ELF1: variants seen among roughly 807,000 people sequenced by gnomAD.
The protein encoded by ELF1 is E74 like ETS transcription factor 1.
ELF1 carries 24 observed loss-of-function variants against 59.9 expected under a neutral mutation model. That is an observed-to-expected ratio of 0.40 (90% CI 0.29 to 0.56). The LOEUF (loss-of-function observed/expected upper bound fraction) is 0.56, where lower values mean the gene tolerates loss of function less well. ELF1 is among the 20% of genes least tolerant of loss of function. The probability of loss-of-function intolerance (pLI) is 0.44; values close to 1 mark genes in which losing one functional copy is unlikely to be tolerated. For missense variants in ELF1, 627 were observed against 742.2 expected, an observed-to-expected ratio of 0.84 and a Z score of 1.80; for synonymous variants, 248 against 266.2, an observed-to-expected ratio of 0.93 and a Z score of 0.67.
chr13:40,942,741 T>TA (rs1007706157), intron 7 of ELF1, among the ~76,000 whole-genome samples: 8 of 152,082 alleles, frequency 5.3e-5, no homozygotes, highest in Non-Finnish European at 8.8e-5. Context: ...AGGCTGGTCT[T>TA]AAACTCCTGG....
Position 41,060,906 on chromosome 13 carries a change from G to A in ELF1, c.-297C>T, listed in dbSNP as rs763365392. 3.3e-3 allele frequency: 936 copies of A among 286,900 alleles called. 11 individuals carry two copies. Among genetic ancestry groups the A allele is most frequent in the Middle Eastern group, 3.4e-3 (4 of 1,186 alleles). The allele number at this position is 286,900 out of a possible 1,614,324, so 17.8% of individuals were successfully genotyped here. A position where few individuals can be genotyped will look rare whatever the true frequency, so the allele number is the denominator to read the frequency against. ...CCACCGCCGCCTCTGCGCTACTGAAGCTGCTGCTGCCGCCGCCGCCGCCGC... is the reference window on the plus strand; with the variant it reads ...CCACCGCCGCCTCTGCGCTACTGAAACTGCTGCTGCCGCCGCCGCCGCCGC... On this transcript the variant is annotated 5_prime_UTR_variant, in exon 1 of 2. Transcript: ENST00000405737.
rs1480180125 is a variant in ELF1, at chr13:40,934,003, G to A, written c.1282C>T (p.Pro428Ser). 1.2e-6 allele frequency: 2 copies of A among 1,614,074 alleles called. No individual in the cohort carries two copies. The highest frequency in any genetic ancestry group is 2.2e-5 in the East Asian group (1 of 44,890). ...IRTIQAPTQVPVVVSPRNQQL... is the reference protein window; with the variant it reads ...IRTIQAPTQVSVVVSPRNQQL... The stretch of plus-strand genomic sequence containing the variant: ...TGATTCCTAGGAGACACAACCACTG[G>A]AACTTGGGTTGGAGCCTGTATAGTC... Residue 428 changes from proline to serine, a missense_variant, in exon 9 of 9, where the codon CCA becomes TCA. Pro to Ser is a moderately conservative substitution (Grantham distance 74). Coordinates refer to ENST00000239882, the MANE Select transcript of ELF1 (RefSeq NM_172373.4).
intron 1 of ELF1, among the ~76,000 whole-genome samples, chr13:41,050,190 C>T (rs1262045603): frequency 6.6e-6 from 1 of 152,090 alleles, no homozygotes; most frequent in East Asian, 1.9e-4. Flanking sequence ...ACCCCCAGTT[C>T]CTGGCAACCA....
At chr13:41,041,348 A>G (rs937425896) in intron 1 of ELF1, among the ~76,000 whole-genome samples, 1 of 152,014 alleles carries the variant, frequency 6.6e-6, no homozygotes, top group Non-Finnish European at 1.5e-5. Flanking sequence ...AGTCCTTGAC[A>G]TACACATCTC....
At chr13:41,023,048 G>A (rs1875749753), upstream of ELF1, among the ~76,000 whole-genome samples, 1 of 152,198 alleles carries the variant, frequency 6.6e-6, no homozygotes, top group African/African-American at 2.4e-5. Context: ...GATCAAGTCA[G>A]TATATACCTT....
chr13:41,000,526 T>C (rs1874374148), intron 1 of ELF1, among the ~76,000 whole-genome samples: 1 of 152,110 alleles, frequency 6.6e-6, no homozygotes, highest in African/African-American at 2.4e-5. Flanking sequence ...GGGCCGAACC[T>C]GGGTCTTTAT....
chr13:41,051,934 C>CTTTT (rs757348738), intron 1 of ELF1, among the ~76,000 whole-genome samples: 57 of 127,232 alleles, frequency 4.5e-4, no homozygotes, highest in African/African-American at 1.2e-3. Flanking sequence ...TTCTTTTTCT[C>CTTTT]TTTTTTTTTT....
chr13:40,981,016 T>A (rs1004578924), intron 2 of ELF1, among the ~76,000 whole-genome samples: 3 of 152,112 alleles, frequency 2.0e-5, no homozygotes, highest in East Asian at 1.9e-4. Flanking sequence ...GCTAAAAAAA[T>A]TTTAATTTTA....
At chr13:40,939,259 G>A (rs1189769600) in intron 8 of ELF1, among the ~76,000 whole-genome samples, 1 of 152,148 alleles carries the variant, frequency 6.6e-6, no homozygotes, top group Non-Finnish European at 1.5e-5. Flanking sequence ...GATGCAGTGA[G>A]CTATGATGGT....
At chr13:41,039,645 A>T (rs1256433309) in intron 1 of ELF1, among the ~76,000 whole-genome samples, 1 of 152,242 alleles carries the variant, frequency 6.6e-6, no homozygotes, top group East Asian at 1.9e-4. Context: ...TTTAGTTCTA[A>T]GACAGTTTTT....
chr13:41,006,038 A>G (rs919191960), intron 1 of ELF1, among the ~76,000 whole-genome samples: 1 of 152,216 alleles, frequency 6.6e-6, no homozygotes, highest in African/African-American at 2.4e-5. Flanking sequence ...ACTTCACAGA[A>G]GTCCATCTTC....
At chr13:41,031,590 T>C (rs1214060379) in intron 1 of ELF1, among the ~76,000 whole-genome samples, 2 of 151,830 alleles carry the variant, frequency 1.3e-5, no homozygotes, top group East Asian at 1.9e-4. Flanking sequence ...GAGGCTGAGG[T>C]GGGTGGATCA....
intron 3 of ELF1, among the ~76,000 whole-genome samples, chr13:40,952,917 T>C (rs1174495310): frequency 3.9e-5 from 6 of 152,092 alleles, no homozygotes; most frequent in Non-Finnish European, 8.8e-5. Context: ...CTTTAGCATG[T>C]GTATCTAAAA....
intron 3 of ELF1, 31 bp downstream of exon 3, chr13:40,958,805 G>A: frequency 1.9e-6 from 3 of 1,582,692 alleles, no homozygotes; most frequent in Non-Finnish European, 2.6e-6. Flanking sequence ...CTGTGCTGCA[G>A]CAAGGTCCTA....
chr13:41,043,038 A>G (rs1335650824), intron 1 of ELF1, among the ~76,000 whole-genome samples: 2 of 152,076 alleles, frequency 1.3e-5, no homozygotes. Flanking sequence ...TTTGATTTGC[A>G]TTTCTCTGAT....
chr13:40,993,249 A>G (rs939633793), intron 1 of ELF1: 1 of 1,578,974 alleles, frequency 6.3e-7, no homozygotes, highest in African/African-American at 1.3e-5. Flanking sequence ...AACAAAAGCA[A>G]CAGATGTTGT....
intron 1 of ELF1, among the ~76,000 whole-genome samples, chr13:41,048,831 C>T (rs1175390522): frequency 6.6e-6 from 1 of 151,982 alleles, no homozygotes; most frequent in Non-Finnish European, 1.5e-5. Flanking sequence ...CCCTGCTTTT[C>T]ACAGCCAAAC....
In ELF1 at chr13:40,982,031, G is replaced by C; in HGVS notation, c.24C>G (p.Asn8Lys). 1 of 1,612,128 alleles carries C rather than the reference G, an allele frequency of 6.2e-7. No individual in the cohort carries two copies. The highest frequency in any genetic ancestry group is 8.5e-7 in the Non-Finnish European group (1 of 1,179,024). Residue 8 changes from asparagine (N) to lysine (K), a missense_variant, in exon 2 of 9, where the codon AAC (asparagine) becomes AAG (lysine). By Grantham distance (94) the Asn-to-Lys change is moderately conservative. Transcript: ENST00000239882. MAAVVQQ[N>K]DLVFEFASNV... ...TACTAGCAAATTCAAATACTAGGTC[G>C]TTCTGTTGGACAACAGCAGCCATAA...
At chr13:40,958,175 T>C (rs916602313) in intron 3 of ELF1, among the ~76,000 whole-genome samples, 1 of 152,266 alleles carries the variant, frequency 6.6e-6, no homozygotes, top group Non-Finnish European at 1.5e-5. Flanking sequence ...AAAGTATTAT[T>C]ACTACAATCT....
Sources: gnomAD v4.1 joint callset for allele counts (sites outside exome capture counted in the v4.1 genomes callset) on GRCh38, gnomAD v4.1.1 for gene constraint, MANE v1.5 for transcripts, NCBI Gene and HGNC (gene_info 2026-07-23, HGNC 2026-07-21) for gene names.